Variants in MGAT4C observed in about 807,000 individuals in gnomAD.
The protein encoded by MGAT4C is alpha-1,3-mannosyl-glycoprotein 4-beta-N-acetylglucosaminyltransferase C.
A neutral mutation model predicts 40.1 loss-of-function variants in MGAT4C; 19 were observed. The observed-to-expected ratio is 0.47, with a 90% CI of 0.33 to 0.70. The LOEUF (loss-of-function observed/expected upper bound fraction) is 0.70. Among genes scored for constraint, MGAT4C ranks in the 30% least tolerant of loss-of-function variants. The probability of loss-of-function intolerance (pLI) is 0.02; values close to 1 mark genes in which losing one functional copy is unlikely to be tolerated. For synonymous variants in MGAT4C, 181 were observed against 187.1 expected, an observed-to-expected ratio of 0.97 and a Z score of 0.27; for missense variants, 491 against 563.2, an observed-to-expected ratio of 0.87 and a Z score of 1.30.
chr12:86,166,531 C>T (rs1886209649), intron 1 of MGAT4C, among the ~76,000 whole-genome samples: 1 of 151,932 alleles, frequency 6.6e-6, no homozygotes, highest in Admixed American at 6.6e-5. Context: ...AATTAGTTGG[C>T]TGTGGTGGCG....
chr12:86,545,619 T>G (rs1332761227), intron 2 of MGAT4C, among the ~76,000 whole-genome samples: 1 of 151,992 alleles, frequency 6.6e-6, no homozygotes, highest in African/African-American at 2.4e-5. Flanking sequence ...TCTAAATGTT[T>G]GTTTAGGATT....
intron 2 of MGAT4C, among the ~76,000 whole-genome samples, chr12:86,485,237 C>T (rs1400358807): frequency 6.6e-6 from 1 of 152,136 alleles, no homozygotes; most frequent in Admixed American, 6.5e-5. Flanking sequence ...TGTTTCTTAA[C>T]CAGACTGAAA....
At chr12:86,646,436 A>ATT (rs1235822473) in intron 2 of MGAT4C, among the ~76,000 whole-genome samples, 2 of 151,920 alleles carry the variant, frequency 1.3e-5, no homozygotes, top group Non-Finnish European at 2.9e-5. Context: ...TGAGAACATG[A>ATT]TTGTGAAACT....
intron 1 of MGAT4C, among the ~76,000 whole-genome samples, chr12:86,783,350 G>A (rs1391432951): frequency 6.6e-6 from 1 of 152,244 alleles, no homozygotes; most frequent in Non-Finnish European, 1.5e-5. Flanking sequence ...ACAGTTTGAT[G>A]TAATTAAAAA....
In MGAT4C at chr12:86,540,259, T is replaced by A. The variant is rs141004100; in HGVS notation, c.-228-104994A>T. On this transcript the variant is annotated intron_variant, in intron 2 of 7. Transcript: ENST00000548651. ...CCATAGCTTCTGCTGGATGACTTAT[T>A]CTGGAGAAAGCCAGCAGCCCTAAAA... Among the ~76,000 whole-genome samples the A allele has an allele frequency of 8.6e-3, 1,306 of 152,326 alleles. 7 individuals carry two copies. The highest frequency in any genetic ancestry group is 0.017 in the Middle Eastern group (5 of 294).
At chr12:86,519,791 A>G (rs1020717024) in intron 2 of MGAT4C, among the ~76,000 whole-genome samples, 2 of 152,124 alleles carry the variant, frequency 1.3e-5, no homozygotes, top group African/African-American at 4.8e-5. Context: ...CCCTTTATAT[A>G]TTCTGGTTAT....
chr12:86,228,723 T>A (rs578122973), intron 1 of MGAT4C, among the ~76,000 whole-genome samples: 1 of 152,068 alleles, frequency 6.6e-6, no homozygotes, highest in African/African-American at 2.4e-5. Context: ...AAGACTCTAA[T>A]TTAAAACTAA....
At position 86,240,137 on chromosome 12, in the gene MGAT4C, A is replaced by T. The variant is rs4506718; in HGVS notation, c.-57+16102T>A. The stretch of plus-strand genomic sequence containing the variant: ...TATATTTGAAATTGAATTAAATCAA[A>T]TGTGCTTTGTTTTTCATTTCAAAAG... On this transcript the variant is annotated intron_variant, in intron 1 of 4. Transcript: ENST00000611864. Among the ~76,000 whole-genome samples the T allele has an allele frequency of 1.4e-4, 21 of 151,614 alleles. No homozygotes were observed. In the East Asian group the frequency reaches 3.9e-3, roughly 28 times the overall value.
chr12:86,668,503 T>C (rs922428478), intron 2 of MGAT4C, among the ~76,000 whole-genome samples: 1 of 152,160 alleles, frequency 6.6e-6, no homozygotes, highest in South Asian at 2.1e-4. Context: ...GCAAAGACAC[T>C]GGGAACAGCT....
intron 2 of MGAT4C, among the ~76,000 whole-genome samples, chr12:86,045,279 G>T (rs984153579): frequency 6.6e-6 from 1 of 152,112 alleles, no homozygotes; most frequent in Non-Finnish European, 1.5e-5. Context: ...ACATTGCAGC[G>T]ATTGGCTGGA....
chr12:86,493,018 T>C (rs1370389327), intron 2 of MGAT4C, among the ~76,000 whole-genome samples: 1 of 151,138 alleles, frequency 6.6e-6, no homozygotes, highest in Admixed American at 6.6e-5. Flanking sequence ...AAAGAAGACA[T>C]TTATGCAGCC....
At chr12:86,121,202 A>T (rs1879318786) in intron 1 of MGAT4C, among the ~76,000 whole-genome samples, 2 of 152,220 alleles carry the variant, frequency 1.3e-5, no homozygotes, top group African/African-American at 4.8e-5. Context: ...GAGAAAAAAG[A>T]GTAAAAAGAA....
chr12:86,811,771 G>T (rs374096773), intron 1 of MGAT4C, among the ~76,000 whole-genome samples: 23 of 151,522 alleles, frequency 1.5e-4, no homozygotes, highest in African/African-American at 5.5e-4. Context: ...TGAAGAACCA[G>T]TGTTCATCAA....
intron 1 of MGAT4C, among the ~76,000 whole-genome samples, chr12:86,092,839 C>T (rs924904122): frequency 6.6e-6 from 1 of 152,004 alleles, no homozygotes; most frequent in African/African-American, 2.4e-5. Context: ...CATTTAAAGC[C>T]ATCCCTCCAA....
intron 1 of MGAT4C, among the ~76,000 whole-genome samples, chr12:86,729,149 A>G (rs1250416153): frequency 2.6e-5 from 4 of 152,322 alleles, no homozygotes; most frequent in Admixed American, 6.5e-5. Flanking sequence ...TATATTTGCT[A>G]GCACCACAGG....
intron 3 of MGAT4C, among the ~76,000 whole-genome samples, chr12:86,363,989 CACAG>C (rs933258101): frequency 1.3e-4 from 20 of 151,756 alleles, no homozygotes; most frequent in African/African-American, 3.9e-4. Context: ...CACACACACA[CACAG>C]AGACACAAAC....
At chr12:86,708,520 G>T (rs1403423342) in intron 2 of MGAT4C, among the ~76,000 whole-genome samples, 1 of 152,164 alleles carries the variant, frequency 6.6e-6, no homozygotes, top group Non-Finnish European at 1.5e-5. Context: ...GACAGTCACT[G>T]TCCTTCAGAC....
intron 1 of MGAT4C, among the ~76,000 whole-genome samples, chr12:86,220,448 T>C (rs1950835530): frequency 6.6e-6 from 1 of 152,162 alleles, no homozygotes; most frequent in Non-Finnish European, 1.5e-5. Flanking sequence ...GTTAAATTAT[T>C]CCAGAAATTT....
chr12:86,714,417 T>G (rs967628060), intron 2 of MGAT4C, among the ~76,000 whole-genome samples: 27 of 152,100 alleles, frequency 1.8e-4, no homozygotes, highest in African/African-American at 5.1e-4. Flanking sequence ...AATCTCATCT[T>G]GAATTGTAGC....
Sources: gnomAD v4.1 joint callset for allele counts (sites outside exome capture counted in the v4.1 genomes callset) on GRCh38, gnomAD v4.1.1 for gene constraint, MANE v1.5 for transcripts, NCBI Gene and HGNC (gene_info 2026-07-23, HGNC 2026-07-21) for gene names.